The following PRPF38A variants were observed in gnomAD, a reference collection of about 807,000 sequenced individuals.
The protein encoded by PRPF38A is pre-mRNA-splicing factor 38A.
A neutral mutation model predicts 46.8 loss-of-function variants in PRPF38A; 11 were observed. That is an observed-to-expected ratio of 0.24 (90% CI 0.15 to 0.39). The LOEUF (loss-of-function observed/expected upper bound fraction) is 0.39. Among genes scored for constraint, PRPF38A ranks in the 10% least tolerant of loss-of-function variants. PRPF38A has a pLI of 1.00. For synonymous variants in PRPF38A, 124 were observed against 136.2 expected (o/e 0.91, Z 0.62); for missense variants, 261 against 407.5 (o/e 0.64, Z 3.10).
chr1:52,414,728 C>G (rs767147531), intron 7 of PRPF38A, 34 bp from the exon 8 acceptor site: 1 of 1,613,780 alleles, frequency 6.2e-7, no homozygotes, highest in Non-Finnish European at 8.5e-7. Context: ...ATATTGCTAA[C>G]CAGATCTGGT....
At position 52,414,504 on chromosome 1, in the gene PRPF38A, C is replaced by A. The variant is rs1648235194; in HGVS notation, c.723-117C>A. ...GGTGCTAGAGTTACGTGACAAAAGA[C>A]ATGGATACAGAGGTGGGTGATACAG... On this transcript the variant is annotated intron_variant, in intron 6 of 9. Coordinates refer to ENST00000257181, the MANE Select transcript of PRPF38A (RefSeq NM_032864.4). The A allele has an allele frequency of 2.2e-5, 23 of 1,056,546 alleles. No homozygotes were observed. The South Asian group carries it at 2.9e-4, about 13-fold the overall frequency. 65.4% of individuals were successfully genotyped at this position (1,056,546 alleles called of 1,614,324 possible).
intron 8 of PRPF38A, 142 bp downstream of exon 8, chr1:52,415,001 A>G: frequency 1.4e-6 from 1 of 739,322 alleles, no homozygotes; most frequent in Non-Finnish European, 2.2e-6. Flanking sequence ...ATTAAGGTTC[A>G]CAGCTTGACT....
chr1:52,409,107 G>A (rs1202606353), intron 3 of PRPF38A: 2 of 164,970 alleles, frequency 1.2e-5, no homozygotes, highest in Non-Finnish European at 2.7e-5. Flanking sequence ...TCACACTGCA[G>A]CATATAAGAC....
At chr1:52,406,327 T>C (rs1028616634) in intron 2 of PRPF38A, among the ~76,000 whole-genome samples, 4 of 152,178 alleles carry the variant, frequency 2.6e-5, no homozygotes, top group Admixed American at 2.0e-4. Context: ...TGTATTAATC[T>C]TCTACTTTAC....
At position 52,418,322 on chromosome 1, in the gene PRPF38A, TAC is replaced by T. The variant is rs1318691115; in HGVS notation, c.*1634_*1635del. 3.3e-5 allele frequency: 5 copies of T among 152,196 alleles called. No homozygotes were observed. Among genetic ancestry groups the T allele is most frequent in the Admixed American group, 6.5e-5 (1 of 15,278 alleles). The allele number at this position is 152,196 out of a possible 1,614,324, so 9.4% of individuals were successfully genotyped here. ...TATAAGCATCTGTACGTAAATGTAT[TAC>T]AGTGTCATAGCAGTTATTTCTTTAT... On this transcript the variant is annotated 3_prime_UTR_variant, in exon 10 of 10. Transcript: ENST00000257181.
Position 52,420,061 on chromosome 1 carries a change from G to C in PRPF38A, c.*3371G>C, listed in dbSNP as rs975826228. ...CTCAAAAAGAAAAAAGAATTAAATG[G>C]GGTCAGGATGGTCTCAGATCTTATA... On this transcript the variant is annotated 3_prime_UTR_variant, in exon 10 of 10. Coordinates refer to ENST00000257181, the MANE Select transcript of PRPF38A (RefSeq NM_032864.4). 6.6e-6 allele frequency: 1 copy of C among 152,184 alleles called. No homozygotes were observed. Among genetic ancestry groups the C allele is most frequent in the Non-Finnish European group, 1.5e-5 (1 of 68,050 alleles). 9.4% of individuals were successfully genotyped at this position (152,184 alleles called of 1,614,324 possible).
intron 2 of PRPF38A, 33 bp downstream of exon 2, chr1:52,405,872 GT>G: frequency 6.3e-7 from 1 of 1,598,994 alleles, no homozygotes. Flanking sequence ...AATATAAGAG[GT>G]TTAATTTTGG....
At chr1:52,414,915 G>GGCTAACTACTCCTTT in intron 8 of PRPF38A, 56 bp downstream of exon 8, 1 of 1,527,402 alleles carries the variant, frequency 6.5e-7, no homozygotes, top group Non-Finnish European at 9.1e-7. Context: ...TGTAAAAGGA[G>GGCTAACTACTCCTTT]TAGTTAGCCT....
At position 52,416,820 on chromosome 1, in the gene PRPF38A, T is replaced by TTTA. The variant is rs1298532986; in HGVS notation, c.*133_*135dup. On this transcript the variant is annotated 3_prime_UTR_variant, in exon 10 of 10. Coordinates refer to ENST00000257181, the MANE Select transcript of PRPF38A (RefSeq NM_032864.4). ...TTTTTTCTTATCAAGTTTCTCAACC[T>TTTA]TTATTTTTAATGAAGGAGGTGCTGA... is the stretch of plus-strand genomic sequence containing the variant. 1.4e-6 allele frequency: 1 copy of TTTA among 728,550 alleles called. No homozygotes were observed. Among genetic ancestry groups the TTTA allele is most frequent in the African/African-American group, 1.8e-5 (1 of 55,646 alleles). 45.1% of individuals were successfully genotyped at this position (728,550 alleles called of 1,614,324 possible).
chr1:52,420,329 C>T lies in PRPF38A; in HGVS notation c.*3639C>T, dbSNP rs1336809796. 2 of 152,116 alleles carry T rather than the reference C, an allele frequency of 1.3e-5. No homozygotes were observed. The highest frequency in any genetic ancestry group is 2.9e-5 in the Non-Finnish European group (2 of 68,028). 9.4% of individuals were successfully genotyped at this position (152,116 alleles called of 1,614,324 possible). A position where few individuals can be genotyped will look rare whatever the true frequency, so the allele number is the denominator to read the frequency against. On this transcript the variant is annotated 3_prime_UTR_variant, in exon 10 of 10. Transcript: ENST00000257181. ...TCAGTAAAAGGAGTGTTAGTAAACA[C>T]TTCAGAAACTTTAAAAATAATGGGC...
In PRPF38A at chr1:52,411,168, A is replaced by G; in HGVS notation, c.466A>G (p.Arg156Gly). 1.2e-6 allele frequency: 2 copies of G among 1,613,680 alleles called. No individual in the cohort carries two copies. The highest frequency in any genetic ancestry group is 1.7e-6 in the Non-Finnish European group (2 of 1,179,660). ...TATTGATGAACTATTGCACAGTGAGAGAGTCTGTGATATCATTCTGCCCCG... is the reference window on the plus strand; with the variant it reads ...TATTGATGAACTATTGCACAGTGAGGGAGTCTGTGATATCATTCTGCCCCG... ...EFIDELLHSE[R>G]VCDIILPRLQ... Residue 156 changes from arginine to glycine, a missense_variant, in exon 4 of 10, where the codon AGA (arginine) becomes GGA (glycine). Arg to Gly is a moderately radical substitution (Grantham distance 125). Coordinates refer to ENST00000257181, the MANE Select transcript of PRPF38A (RefSeq NM_032864.4).
At chr1:52,405,250 C>T (rs1647945204) in intron 1 of PRPF38A, among the ~76,000 whole-genome samples, 1 of 152,216 alleles carries the variant, frequency 6.6e-6, no homozygotes, top group African/African-American at 2.4e-5. Flanking sequence ...CATGATCTTA[C>T]TATTCTTAGA....
chr1:52,413,636 TACAC>T (rs200897924), intron 5 of PRPF38A, among the ~76,000 whole-genome samples: 2 of 152,156 alleles, frequency 1.3e-5, no homozygotes, highest in South Asian at 2.1e-4. Flanking sequence ...CATACACACA[TACAC>T]ACACACAGGT....
At chr1:52,408,817 T>G in intron 3 of PRPF38A, 127 bp downstream of exon 3, 1 of 1,227,954 alleles carries the variant, frequency 8.1e-7, no homozygotes. Flanking sequence ...ACTGTCTCTA[T>G]GCAGGTTTTC....
chr1:52,412,681 G>A, intron 5 of PRPF38A, 57 bp downstream of exon 5: 1 of 1,196,830 alleles, frequency 8.4e-7, no homozygotes, highest in Non-Finnish European at 1.2e-6. Flanking sequence ...AAATGGGAAT[G>A]GTTTTTTGTT....
intron 4 of PRPF38A, among the ~76,000 whole-genome samples, chr1:52,411,958 G>T (rs1648161203): frequency 6.6e-6 from 1 of 152,162 alleles, no homozygotes; most frequent in Non-Finnish European, 1.5e-5. Context: ...AAGGAGCTGG[G>T]ACCACGGGTA....
chr1:52,416,002 T>G (rs996336191), intron 9 of PRPF38A, among the ~76,000 whole-genome samples: 1 of 151,730 alleles, frequency 6.6e-6, no homozygotes, highest in African/African-American at 2.4e-5. Flanking sequence ...GCCACCACCC[T>G]TGGCTAATTT....
At chr1:52,411,003 A>G (rs987105801) in intron 3 of PRPF38A, 112 bp from the exon 4 acceptor site, 90 of 700,380 alleles carry the variant, frequency 1.3e-4, no homozygotes, top group Non-Finnish European at 9.8e-6. Flanking sequence ...AATCTCTTCT[A>G]AAGAGGCCTA....
At chr1:52,411,239 T>C in intron 4 of PRPF38A, 39 bp downstream of exon 4, 5 of 1,447,002 alleles carry the variant, frequency 3.5e-6, no homozygotes, top group Non-Finnish European at 4.8e-6. Flanking sequence ...CACCCTTCTC[T>C]TCCTAGACGG....
Sources: allele counts gnomAD v4.1 joint callset (sites outside exome capture counted in the v4.1 genomes callset), GRCh38; gene constraint gnomAD v4.1.1; transcripts MANE v1.5; gene names NCBI Gene and HGNC (gene_info 2026-07-23, HGNC 2026-07-21).